ATP2C1: variants seen among roughly 807,000 people sequenced by gnomAD.
ATP2C1 encodes calcium-transporting ATPase type 2C member 1.
ATP2C1 carries 31 observed loss-of-function variants against 120.5 expected under a neutral mutation model. The observed-to-expected ratio is 0.26, with a 90% CI of 0.19 to 0.35. ATP2C1 has a LOEUF of 0.35. ATP2C1 is among the 10% of genes least tolerant of loss of function. The probability of loss-of-function intolerance (pLI) is 1.00; values close to 1 mark genes in which losing one functional copy is unlikely to be tolerated. For synonymous variants in ATP2C1, 351 were observed against 358.7 expected (o/e 0.98, Z 0.24); for missense variants, 731 against 1,107.5 (o/e 0.66, Z 4.83).
chr3:130,994,523 G>A (rs1160314056), intron 22 of ATP2C1, among the ~76,000 whole-genome samples: 8 of 152,102 alleles, frequency 5.3e-5, no homozygotes, highest in African/African-American at 1.7e-4. Flanking sequence ...CTCATTTAAT[G>A]TTATAATTTA....
chr3:130,874,727 T>C (rs576599036), intron 1 of ATP2C1, among the ~76,000 whole-genome samples: 1 of 152,204 alleles, frequency 6.6e-6, no homozygotes, highest in South Asian at 2.1e-4. Context: ...TTCTTAGTAT[T>C]GTCTTTTCTC....
chr3:130,973,391 T>C (rs937172606), intron 17 of ATP2C1, among the ~76,000 whole-genome samples: 5 of 152,140 alleles, frequency 3.3e-5, no homozygotes, highest in Admixed American at 2.6e-4. Flanking sequence ...ATAAAAGGGC[T>C]TAGGAACTAA....
intron 2 of ATP2C1, chr3:130,918,713 CG>C: frequency 4.5e-6 from 2 of 442,898 alleles, no homozygotes; most frequent in Non-Finnish European, 8.6e-6. Context: ...AGCAGTGGGC[CG>C]GGCGCGGTGG....
At chr3:131,000,225 A>G (rs2062819960) in intron 27 of ATP2C1, among the ~76,000 whole-genome samples, 1 of 152,182 alleles carries the variant, frequency 6.6e-6, no homozygotes, top group Non-Finnish European at 1.5e-5. Context: ...GAGGAATGAT[A>G]TATTTGACAG....
intron 26 of ATP2C1, chr3:131,016,116 C>T: frequency 1.2e-6 from 2 of 1,609,610 alleles, no homozygotes; most frequent in Non-Finnish European, 1.7e-6. Flanking sequence ...GTGCTTCCAT[C>T]TGAACTAAAG....
Position 130,937,158 on chromosome 3 carries a change from C to A in ATP2C1, c.325-270C>A, listed in dbSNP as rs2059709460. ...ATATGGTAAATATCAGTATATATAA[C>A]CCACTTAAAAGCTGGTCCTCAATTT... On this transcript the variant is annotated intron_variant, in intron 5 of 27. Transcript: ENST00000510168. 2.0e-5 allele frequency among the ~76,000 whole-genome samples: 3 copies of A among 152,018 alleles called. No individual in the cohort carries two copies. The South Asian group carries it at 6.2e-4, about 32-fold the overall frequency.
intron 2 of ATP2C1, among the ~76,000 whole-genome samples, chr3:130,906,528 TTAGGAG>T (rs1228179822): frequency 4.6e-5 from 7 of 152,084 alleles, no homozygotes; most frequent in African/African-American, 1.4e-4. Context: ...AGGTGTATAC[TTAGGAG>T]TAGAAGTGCT....
rs564682804 is a variant in ATP2C1, at chr3:130,964,494, A to G, written c.1024+399A>G. 2.5e-4 allele frequency among the ~76,000 whole-genome samples: 38 copies of G among 152,216 alleles called. No individual in the cohort carries two copies. In the South Asian group the frequency reaches 7.0e-3, roughly 28 times the overall value. The stretch of plus-strand genomic sequence containing the variant: ...TTACAGTAGTTATATTGCTGTAACA[A>G]AACTTTATGTGCAATATGCTTTGAA... On this transcript the variant is annotated intron_variant, in intron 13 of 27. Transcript: ENST00000510168.
intron 2 of ATP2C1, chr3:130,930,112 A>G (rs1227856197): frequency 1.0e-5 from 4 of 390,070 alleles, no homozygotes; most frequent in South Asian, 2.1e-5. Context: ...GATCTGCTAG[A>G]CAGGACATCT....
chr3:130,940,509 C>A, intron 6 of ATP2C1, 121 bp from the exon 7 acceptor site: 2 of 719,012 alleles, frequency 2.8e-6, no homozygotes, highest in Non-Finnish European at 4.9e-6. Context: ...AGAATATAAG[C>A]ACAAGTAAAG....
chr3:130,987,675 T>C (rs1170232624), intron 20 of ATP2C1, among the ~76,000 whole-genome samples: 2 of 152,246 alleles, frequency 1.3e-5, no homozygotes, highest in African/African-American at 4.8e-5. Context: ...ACTTTTATTA[T>C]TGTTACAAAT....
intron 25 of ATP2C1, 146 bp downstream of exon 25, chr3:130,997,899 A>T (rs1480367639): frequency 2.5e-6 from 2 of 798,200 alleles, no homozygotes; most frequent in Admixed American, 2.5e-5. Flanking sequence ...AAAGAGTTTG[A>T]TTTCCATCTT....
intron 17 of ATP2C1, among the ~76,000 whole-genome samples, chr3:130,973,430 G>A (rs947333448): frequency 6.6e-5 from 10 of 152,220 alleles, no homozygotes; most frequent in South Asian, 2.1e-4. Context: ...TTAGCCCAGC[G>A]GGATACATTC....
At chr3:130,900,254 G>A (rs1373277411) in intron 2 of ATP2C1, among the ~76,000 whole-genome samples, 1 of 151,942 alleles carries the variant, frequency 6.6e-6, no homozygotes, top group Non-Finnish European at 1.5e-5. Context: ...TAAAGACGAG[G>A]TCTTGATATA....
intron 9 of ATP2C1, among the ~76,000 whole-genome samples, chr3:130,954,694 C>T (rs1422443770): frequency 6.6e-6 from 1 of 152,074 alleles, no homozygotes; most frequent in Non-Finnish European, 1.5e-5. Flanking sequence ...ACCATGTGGG[C>T]CAGGCTGATC....
At chr3:130,903,915 A>C (rs182632594) in intron 2 of ATP2C1, among the ~76,000 whole-genome samples, 2 of 152,066 alleles carry the variant, frequency 1.3e-5, no homozygotes, top group African/African-American at 2.4e-5. Flanking sequence ...TAATTTATAC[A>C]AACAGATGTA....
chr3:130,859,106 AG>A (rs1401279949), intron 1 of ATP2C1, among the ~76,000 whole-genome samples: 1 of 152,240 alleles, frequency 6.6e-6, no homozygotes, highest in East Asian at 1.9e-4. Context: ...CTGATATTCT[AG>A]TATAATAGGC....
chr3:130,974,960 G>A (rs2061478491), intron 17 of ATP2C1, among the ~76,000 whole-genome samples: 1 of 152,174 alleles, frequency 6.6e-6, no homozygotes, highest in Admixed American at 6.5e-5. Context: ...GAATTAAATG[G>A]TGTTTTAGGT....
At chr3:130,890,743 G>A (rs991042710), upstream of ATP2C1, among the ~76,000 whole-genome samples, 11 of 152,090 alleles carry the variant, frequency 7.2e-5, no homozygotes, top group African/African-American at 2.7e-4. Flanking sequence ...TAGCAATTCT[G>A]GTAGATGTTT....
Sources: allele counts gnomAD v4.1 joint callset (sites outside exome capture counted in the v4.1 genomes callset), GRCh38; gene constraint gnomAD v4.1.1; transcripts MANE v1.5; gene names NCBI Gene and HGNC (gene_info 2026-07-23, HGNC 2026-07-21).